The following CLCN4 variants were observed in gnomAD, a reference collection of about 807,000 sequenced individuals.
CLCN4 encodes the protein Cl-/H+ antiporter 4.
A neutral mutation model predicts 41.7 loss-of-function variants in CLCN4; 1 was observed. That is an observed-to-expected ratio of 0.02 (90% CI 0.01 to 0.11). The LOEUF (loss-of-function observed/expected upper bound fraction) is 0.11. CLCN4 is among the 10% of genes least tolerant of loss of function. CLCN4 has a pLI of 1.00. For synonymous variants in CLCN4, 277 were observed against 285.8 expected (o/e 0.97, Z 0.31); for missense variants, 287 against 661.0 (o/e 0.43, Z 6.20).
At chrX:10,161,884 C>T (rs1216599470) in intron 2 of CLCN4, among the ~76,000 whole-genome samples, 1 of 110,920 alleles carries the variant, frequency 9.0e-6, no homozygotes, top group Non-Finnish European at 1.9e-5. Flanking sequence ...GTGATCAGCC[C>T]TACAAAAGGG....
chrX:10,182,974 G>A (rs781725823), intron 2 of CLCN4, among the ~76,000 whole-genome samples: 327 of 112,333 alleles, frequency 2.9e-3, no homozygotes, highest in Middle Eastern at 9.3e-3. Context: ...CTTTTGAATA[G>A]ACTGTCCAAG....
chrX:10,196,538 C>CT (rs141362799), intron 5 of CLCN4, among the ~76,000 whole-genome samples: 49 of 80,891 alleles, frequency 6.1e-4, no homozygotes, highest in East Asian at 3.1e-3. Context: ...CCCTTCCCCA[C>CT]TTTTTTTTTT....
chrX:10,159,659 A>G (rs977555016), intron 2 of CLCN4, among the ~76,000 whole-genome samples: 3 of 111,890 alleles, frequency 2.7e-5, no homozygotes, highest in Non-Finnish European at 5.6e-5. Flanking sequence ...ATTTCCATCA[A>G]TAATTGAAGG....
chrX:10,174,232 C>A (rs1923461351), intron 2 of CLCN4, among the ~76,000 whole-genome samples: 1 of 112,297 alleles, frequency 8.9e-6, no homozygotes, highest in African/African-American at 3.2e-5. Context: ...GTGTGCGGCC[C>A]TGCATGGGTC....
At chrX:10,185,283 G>A (rs923873175) in intron 3 of CLCN4, 107 bp downstream of exon 3, 1 of 872,329 alleles carries the variant, frequency 1.1e-6, no homozygotes. Context: ...TGCTGGGTTA[G>A]GGTCTAAAGA....
intron 8 of CLCN4, 101 bp downstream of exon 8, chrX:10,206,877 G>A: frequency 1.8e-6 from 1 of 568,111 alleles, no homozygotes; most frequent in Non-Finnish European, 2.7e-6. Flanking sequence ...AGTTAATTAA[G>A]GAGCCACAAT....
intron 2 of CLCN4, among the ~76,000 whole-genome samples, chrX:10,179,993 T>G (rs1923632475): frequency 8.9e-6 from 1 of 112,097 alleles, no homozygotes. Context: ...CGTGTGATGC[T>G]GCCTCTCTTG....
At chrX:10,227,694 CTA>C (rs1269851418) in intron 12 of CLCN4, among the ~76,000 whole-genome samples, 6 of 112,127 alleles carry the variant, frequency 5.4e-5, no homozygotes, top group African/African-American at 1.9e-4. Context: ...AACCACTACT[CTA>C]TATTTTCTGT....
intron 4 of CLCN4, among the ~76,000 whole-genome samples, chrX:10,190,499 C>T (rs189674139): frequency 1.1e-3 from 127 of 111,186 alleles, no homozygotes; most frequent in Admixed American, 2.0e-3. Context: ...TTGACATTAC[C>T]GGACCCTGTG....
chrX:10,228,299 G>T (rs1012932762), intron 12 of CLCN4, among the ~76,000 whole-genome samples: 2 of 109,087 alleles, frequency 1.8e-5, no homozygotes, highest in African/African-American at 6.7e-5. Flanking sequence ...ACTGCTCAGG[G>T]TTAAAGGGAA....
intron 2 of CLCN4, among the ~76,000 whole-genome samples, chrX:10,182,486 C>T (rs986474706): frequency 8.9e-6 from 1 of 112,271 alleles, no homozygotes; most frequent in Non-Finnish European, 1.9e-5. Context: ...AGTGCGGTGG[C>T]GCAATCTTGG....
Position 10,236,237 on chromosome X carries a change from G to A in CLCN4, c.*2653G>A, listed in dbSNP as rs760237067. ...GGGAATGAGGGGAAATTATGCTTCC[G>A]GGCCAAGGTCACCGAGGGGGACCTT... On this transcript the variant is annotated 3_prime_UTR_variant, in exon 13 of 13. Coordinates refer to ENST00000380833, the MANE Select transcript of CLCN4 (RefSeq NM_001830.4). 3.6e-5 allele frequency: 4 copies of A among 111,769 alleles called. No individual in the cohort carries two copies. Among genetic ancestry groups the A allele is most frequent in the African/African-American group, 9.8e-5 (3 of 30,741 alleles). The allele number at this position is 111,769 out of a possible 1,213,427, so 9.2% of individuals were successfully genotyped here. A position where few individuals can be genotyped will look rare whatever the true frequency, so the allele number is the denominator to read the frequency against.
At chrX:10,196,568 T>G (rs2147173057) in intron 5 of CLCN4, among the ~76,000 whole-genome samples, 1 of 98,425 alleles carries the variant, frequency 1.0e-5, no homozygotes, top group South Asian at 5.1e-4. Flanking sequence ...CTGACTGACT[T>G]ACCACAGCTG....
intron 11 of CLCN4, among the ~76,000 whole-genome samples, chrX:10,215,419 G>A (rs1924677576): frequency 8.9e-6 from 1 of 112,251 alleles, no homozygotes; most frequent in African/African-American, 3.2e-5. Context: ...AATTGATTTT[G>A]TATTTTAGAC....
chrX:10,230,665 C>T (rs933734625), intron 12 of CLCN4, among the ~76,000 whole-genome samples: 5 of 111,924 alleles, frequency 4.5e-5, no homozygotes, highest in Admixed American at 9.5e-5. Context: ...AGAGTGCTAA[C>T]ATTTGTTTCC....
chrX:10,176,411 A>G lies in CLCN4; in HGVS notation c.-11-8611A>G, dbSNP rs190848330. 1.2e-3 allele frequency among the ~76,000 whole-genome samples: 134 copies of G among 113,001 alleles called. 2 individuals are homozygous for G. The highest frequency in any genetic ancestry group is 2.2e-3 in the Non-Finnish European group (116 of 53,345). The stretch of plus-strand genomic sequence containing the variant: ...TGGCTGCTCTGCTGTACAATGGCAC[A>G]GTCCAGTAATCGCAATGGAGACTAT... On this transcript the variant is annotated intron_variant, in intron 2 of 12. Transcript: ENST00000380833.
At position 10,232,503 on chromosome X, in the gene CLCN4, C is replaced by A. The variant is rs137935169; in HGVS notation, c.2193-991C>A. On this transcript the variant is annotated intron_variant, in intron 12 of 12. Coordinates refer to ENST00000380833, the MANE Select transcript of CLCN4 (RefSeq NM_001830.4). ...CTACCAGAGTTTGCTTCTGCATACCCCTTTTTTGGGGGGTACAGTGGAGAT... is the reference window on the plus strand; with the variant it reads ...CTACCAGAGTTTGCTTCTGCATACCACTTTTTTGGGGGGTACAGTGGAGAT... Among the ~76,000 whole-genome samples, 682 of 112,105 alleles carry A rather than the reference C, an allele frequency of 6.1e-3. 7 individuals carry two copies. The highest frequency in any genetic ancestry group is 0.021 in the African/African-American group (656 of 30,945).
At chrX:10,196,625 A>G (rs1924103544) in intron 5 of CLCN4, among the ~76,000 whole-genome samples, 1 of 104,315 alleles carries the variant, frequency 9.6e-6, no homozygotes, top group Non-Finnish European at 1.9e-5. Flanking sequence ...CCTCTTTCTC[A>G]GTGGAATTGA....
In CLCN4 at chrX:10,209,778, G is replaced by A. The variant is rs199928497; in HGVS notation, c.1389+1188G>A. ...ATCATTATGTTAAAATACTTTAAAA[G>A]CCCCTCCTAAAGAACTTTCTTTTAT... On this transcript the variant is annotated intron_variant, in intron 9 of 12. Coordinates refer to ENST00000380833, the MANE Select transcript of CLCN4 (RefSeq NM_001830.4). Among the ~76,000 whole-genome samples, 15 of 110,006 alleles carry A rather than the reference G, an allele frequency of 1.4e-4. No individual in the cohort carries two copies. The East Asian group carries it at 2.5e-3, about 19-fold the overall frequency.
Sources: gnomAD v4.1 joint callset for allele counts (sites outside exome capture counted in the v4.1 genomes callset) on GRCh38, gnomAD v4.1.1 for gene constraint, MANE v1.5 for transcripts, NCBI Gene and HGNC (gene_info 2026-07-23, HGNC 2026-07-21) for gene names.